RBPMS: variants seen among roughly 807,000 people sequenced by gnomAD.
RBPMS encodes RNA binding protein, mRNA processing factor.
In RBPMS, 7 loss-of-function variants were observed where a neutral mutation model predicts 26.8. That is an observed-to-expected ratio of 0.26 (90% confidence interval 0.15 to 0.49). The LOEUF is 0.49. Ranked by LOEUF, RBPMS falls within the 20% of genes least tolerant of loss-of-function variation. The pLI is 0.98. For synonymous variants in RBPMS, 96 were observed against 93.3 expected, an observed-to-expected ratio of 1.03 and a Z score of -0.17; for missense variants, 186 against 250.0, an observed-to-expected ratio of 0.74 and a Z score of 1.73.
intron 7 of RBPMS, among the ~76,000 whole-genome samples, chr8:30,561,270 T>G (rs1827459508): frequency 6.6e-6 from 1 of 152,166 alleles, no homozygotes. Flanking sequence ...TGTTTCGTCT[T>G]CATATGCCCA....
intron 6 of RBPMS, among the ~76,000 whole-genome samples, chr8:30,549,127 T>G (rs528348244): frequency 2.0e-4 from 30 of 152,276 alleles, no homozygotes; most frequent in African/African-American, 7.0e-4. Context: ...GTGAGGGTGG[T>G]TGGTCCCACA....
At chr8:30,428,855 G>A (rs546848659) in intron 1 of RBPMS, among the ~76,000 whole-genome samples, 20 of 152,118 alleles carry the variant, frequency 1.3e-4, no homozygotes, top group Middle Eastern at 3.4e-3. Flanking sequence ...AAAACCTTGT[G>A]TTTTTCAAAT....
intron 5 of RBPMS, among the ~76,000 whole-genome samples, chr8:30,527,660 G>C (rs1243468755): frequency 6.6e-6 from 1 of 152,044 alleles, no homozygotes; most frequent in East Asian, 1.9e-4. Flanking sequence ...CCAGCATCCT[G>C]TGCTGGGCCT....
chr8:30,554,168 A>C (rs1826636656), intron 6 of RBPMS, among the ~76,000 whole-genome samples: 1 of 152,264 alleles, frequency 6.6e-6, no homozygotes, highest in South Asian at 2.1e-4. Flanking sequence ...CAGCATCTGC[A>C]CTAGGGAAGG....
chr8:30,389,480 A>G (rs1278192705), intron 1 of RBPMS, among the ~76,000 whole-genome samples: 1 of 152,204 alleles, frequency 6.6e-6, no homozygotes, highest in Non-Finnish European at 1.5e-5. Context: ...ACAAGGCAAT[A>G]AAGTGGGTAC....
chr8:30,489,361 A>G (rs1223310373), intron 4 of RBPMS, among the ~76,000 whole-genome samples: 1 of 152,178 alleles, frequency 6.6e-6, no homozygotes, highest in Non-Finnish European at 1.5e-5. Flanking sequence ...GGGTATTTTT[A>G]AAGCTACTGG....
At chr8:30,431,375 C>CTT (rs1811914338) in intron 1 of RBPMS, among the ~76,000 whole-genome samples, 2 of 150,306 alleles carry the variant, frequency 1.3e-5, no homozygotes, top group African/African-American at 4.9e-5. Flanking sequence ...TTCTTTCTCT[C>CTT]TCTTTCTTTC....
intron 1 of RBPMS, among the ~76,000 whole-genome samples, chr8:30,419,450 A>ATTGTG (rs1554509328): frequency 3.2e-4 from 46 of 143,284 alleles, no homozygotes; most frequent in Admixed American, 1.3e-3. Context: ...CATCTCAAAA[A>ATTGTG]TGTGTGTGTG....
intron 5 of RBPMS, among the ~76,000 whole-genome samples, chr8:30,515,671 A>T (rs1332891041): frequency 6.6e-6 from 1 of 151,900 alleles, no homozygotes; most frequent in African/African-American, 2.4e-5. Context: ...TTTCTTTTTT[A>T]AGAGATGGGG....
chr8:30,452,416 G>T (rs776007916), intron 1 of RBPMS, among the ~76,000 whole-genome samples: 6 of 152,142 alleles, frequency 3.9e-5, no homozygotes, highest in Non-Finnish European at 5.9e-5. Context: ...GGATTGGGGG[G>T]TGTTGGAGGT....
chr8:30,443,187 A>G (rs1437300469), intron 1 of RBPMS, among the ~76,000 whole-genome samples: 1 of 152,200 alleles, frequency 6.6e-6, no homozygotes, highest in African/African-American at 2.4e-5. Context: ...TTTTTGTAAA[A>G]TATTGGAATC....
intron 1 of RBPMS, among the ~76,000 whole-genome samples, chr8:30,463,516 C>G (rs1440316599): frequency 6.6e-6 from 1 of 152,222 alleles, no homozygotes; most frequent in Non-Finnish European, 1.5e-5. Flanking sequence ...GTGAGTAATT[C>G]AAGAGCTGCT....
At chr8:30,436,547 G>A (rs1812466971) in intron 1 of RBPMS, among the ~76,000 whole-genome samples, 2 of 152,058 alleles carry the variant, frequency 1.3e-5, no homozygotes, top group African/African-American at 4.8e-5. Context: ...CCTGTCAGTC[G>A]TCAGTTGGAA....
intron 5 of RBPMS, among the ~76,000 whole-genome samples, chr8:30,525,601 A>C (rs1823494402): frequency 6.6e-6 from 1 of 152,230 alleles, no homozygotes; most frequent in Non-Finnish European, 1.5e-5. Flanking sequence ...ATAGAACCAT[A>C]AGAACATTTT....
At chr8:30,528,175 CAAAAAAA>C (rs371646274) in intron 5 of RBPMS, among the ~76,000 whole-genome samples, 1 of 123,916 alleles carries the variant, frequency 8.1e-6, no homozygotes, top group South Asian at 2.6e-4. Context: ...AACTTTATTC[CAAAAAAA>C]AAAAAAAAAG....
intron 1 of RBPMS, among the ~76,000 whole-genome samples, chr8:30,423,985 G>A (rs2150635155): frequency 6.6e-6 from 1 of 152,080 alleles, no homozygotes; most frequent in East Asian, 1.9e-4. Context: ...CCTCAGACGT[G>A]CACCACCATG....
At chr8:30,559,077 TC>T in intron 7 of RBPMS, 121 bp downstream of exon 7, 1 of 798,906 alleles carries the variant, frequency 1.3e-6, no homozygotes, top group Non-Finnish European at 2.1e-6. Flanking sequence ...ACCTCCTTTG[TC>T]CATCTTTGTT....
chr8:30,493,914 C>T (rs960650358), intron 4 of RBPMS, among the ~76,000 whole-genome samples: 3 of 152,122 alleles, frequency 2.0e-5, no homozygotes, highest in Admixed American at 6.5e-5. Context: ...AGCAGATTCT[C>T]CTAGGGCATG....
At chr8:30,516,931 T>C (rs545144100) in intron 5 of RBPMS, among the ~76,000 whole-genome samples, 1,452 of 106,538 alleles carry the variant, frequency 0.014, 12 homozygotes, top group Middle Eastern at 0.018. Context: ...CAGACACACA[T>C]GAGTTTTCCT....
Sources: gnomAD v4.1 joint callset for allele counts (sites outside exome capture counted in the v4.1 genomes callset) on GRCh38, gnomAD v4.1.1 for gene constraint, MANE v1.5 for transcripts, NCBI Gene and HGNC (gene_info 2026-07-23, HGNC 2026-07-21) for gene names.